Variants in TLK1 observed in about 807,000 individuals in gnomAD.
TLK1 encodes tousled like kinase 1.
TLK1 carries 24 observed loss-of-function variants against 105.3 expected under a neutral mutation model. The ratio of observed to expected loss-of-function variants is 0.23; its 90% CI spans 0.17 to 0.32. The LOEUF (loss-of-function observed/expected upper bound fraction) is 0.32. Ranked by LOEUF, TLK1 falls within the 10% of genes least tolerant of loss-of-function variation. The pLI, the probability that TLK1 is intolerant of heterozygous loss-of-function variation, is 1.00. For missense variants in TLK1, 558 were observed against 910.5 expected, an observed-to-expected ratio of 0.61 and a Z score of 4.98; for synonymous variants, 321 against 310.4, an observed-to-expected ratio of 1.03 and a Z score of -0.36.
chr2:171,067,075 C>A (rs1385944587), intron 3 of TLK1: 3 of 1,196,266 alleles, frequency 2.5e-6, no homozygotes, highest in Non-Finnish European at 3.4e-6. Context: ...TTCCTTTGAA[C>A]ACGAATCCCT....
intron 12 of TLK1, among the ~76,000 whole-genome samples, chr2:171,023,990 C>T (rs1431574615): frequency 6.6e-6 from 1 of 152,166 alleles, no homozygotes; most frequent in African/African-American, 2.4e-5. Context: ...ACCCACGATT[C>T]CACATGGGCA....
At chr2:171,133,756 T>C (rs1691197154) in intron 1 of TLK1, among the ~76,000 whole-genome samples, 1 of 144,972 alleles carries the variant, frequency 6.9e-6, no homozygotes, top group Non-Finnish European at 1.6e-5. Flanking sequence ...TTCAGACTTC[T>C]GATTTTTTTT....
intron 4 of TLK1, 109 bp from the exon 5 acceptor site, chr2:171,058,306 G>C: frequency 9.7e-7 from 1 of 1,034,750 alleles, no homozygotes; most frequent in East Asian, 2.4e-5. Flanking sequence ...AAAATCAAAT[G>C]ACATTTCAAT....
At chr2:171,035,082 C>T (rs572425034) in intron 11 of TLK1, among the ~76,000 whole-genome samples, 6 of 152,044 alleles carry the variant, frequency 3.9e-5, no homozygotes, top group African/African-American at 1.4e-4. Context: ...GGCTCATGCC[C>T]GTAATCCCAG....
At chr2:171,224,735 A>T (rs952008794) in intron 1 of TLK1, among the ~76,000 whole-genome samples, 2 of 152,190 alleles carry the variant, frequency 1.3e-5, no homozygotes, top group African/African-American at 4.8e-5. Flanking sequence ...AATGCAAGAG[A>T]CCCAGAAGAG....
At chr2:171,050,906 A>T (rs1163770413) in intron 8 of TLK1, among the ~76,000 whole-genome samples, 1 of 152,204 alleles carries the variant, frequency 6.6e-6, no homozygotes, top group African/African-American at 2.4e-5. Context: ...GTTTCTAATA[A>T]GTTCTCCAGT....
rs569597055 is a variant in TLK1 at position 171,138,119 on chromosome 2, G to C, written c.140-20262C>G. ...ATCACTTTCTTAAAAGCAAGCTCAA[G>C]GGGGTAGAGATAGGGGTTGTAATTT... is the stretch of plus-strand genomic sequence containing the variant. On this transcript the variant is annotated intron_variant, in intron 1 of 20. Coordinates refer to ENST00000431350, the MANE Select transcript of TLK1 (RefSeq NM_012290.5). Among the ~76,000 whole-genome samples the C allele has an allele frequency of 2.0e-5, 3 of 152,216 alleles. No individual in the cohort carries two copies. The South Asian group carries it at 6.2e-4, about 32-fold the overall frequency.
intron 1 of TLK1, among the ~76,000 whole-genome samples, chr2:171,224,278 A>T (rs111704648): frequency 6.6e-6 from 1 of 152,012 alleles, no homozygotes; most frequent in African/African-American, 2.4e-5. Context: ...CTTATTTCTG[A>T]GTTATCTATT....
intron 13 of TLK1, among the ~76,000 whole-genome samples, chr2:171,012,299 C>A (rs2105369722): frequency 6.6e-6 from 1 of 152,040 alleles, no homozygotes; most frequent in East Asian, 1.9e-4. Flanking sequence ...TTCAACCCAC[C>A]CTATCAGGTA....
intron 18 of TLK1, among the ~76,000 whole-genome samples, chr2:171,002,403 C>A (rs1684422949): frequency 6.6e-6 from 1 of 151,896 alleles, no homozygotes; most frequent in African/African-American, 2.4e-5. Context: ...GGACTACGAG[C>A]AGCTGGGACT....
In TLK1 at chr2:171,025,496, C is replaced by A. The variant is rs538288549; in HGVS notation, c.1236+2843G>T. Among the ~76,000 whole-genome samples, 3 of 152,232 alleles carry A rather than the reference C, an allele frequency of 2.0e-5. No individual in the cohort carries two copies. The South Asian group carries it at 6.2e-4, about 32-fold the overall frequency. On this transcript the variant is annotated intron_variant, in intron 12 of 20. Transcript: ENST00000431350. ...TCACCCATGCTAATGCAAGAGTATG[C>A]CAGGCTCCAAATCTAAACCGTAAAC...
chr2:171,098,269 AACT>A (rs1395389043), intron 2 of TLK1, among the ~76,000 whole-genome samples: 1 of 152,202 alleles, frequency 6.6e-6, no homozygotes, highest in Non-Finnish European at 1.5e-5. Flanking sequence ...GCACAAAAAA[AACT>A]ACATGAGGTG....
intron 1 of TLK1, among the ~76,000 whole-genome samples, chr2:171,159,331 A>C (rs574230534): frequency 6.6e-6 from 1 of 152,202 alleles, no homozygotes; most frequent in South Asian, 2.1e-4. Context: ...ACATTTATTC[A>C]TTCCCCATAA....
Position 171,058,036 on chromosome 2 carries a change from C to T in TLK1, c.453+115G>A, listed in dbSNP as rs527585360. On this transcript the variant is annotated intron_variant, in intron 5 of 20. Coordinates refer to ENST00000431350, the MANE Select transcript of TLK1 (RefSeq NM_012290.5). The stretch of plus-strand genomic sequence containing the variant: ...AAAGATATCACATAGTAATAAAGCT[C>T]TGCTCTAATCAAGTAAGTAATCAAA... The T allele has an allele frequency of 2.1e-5, 21 of 989,744 alleles. No individual in the cohort carries two copies. In the East Asian group the frequency reaches 5.1e-4, roughly 24 times the overall value. The allele number at this position is 989,744 out of a possible 1,614,324, so 61.3% of individuals were successfully genotyped here.
At chr2:171,019,656 T>C (rs747222963) in intron 12 of TLK1, among the ~76,000 whole-genome samples, 11 of 152,204 alleles carry the variant, frequency 7.2e-5, no homozygotes, top group Non-Finnish European at 1.2e-4. Flanking sequence ...TTTTGATGTA[T>C]TATTCTCAGC....
intron 2 of TLK1, among the ~76,000 whole-genome samples, chr2:171,111,154 G>A (rs1031504717): frequency 6.6e-6 from 1 of 152,074 alleles, no homozygotes; most frequent in Non-Finnish European, 1.5e-5. Flanking sequence ...AACAGAAAAG[G>A]AGAATATGAA....
At chr2:171,078,532 G>A (rs376625870) in intron 3 of TLK1, among the ~76,000 whole-genome samples, 33 of 151,400 alleles carry the variant, frequency 2.2e-4, no homozygotes, top group African/African-American at 6.3e-4. Flanking sequence ...GCGAGACTCC[G>A]TCTCAAAAAG....
At chr2:171,215,521 A>T (rs565044408) in intron 1 of TLK1, among the ~76,000 whole-genome samples, 1 of 152,332 alleles carries the variant, frequency 6.6e-6, no homozygotes, top group South Asian at 2.1e-4. Context: ...AGGCACGGTG[A>T]TGTATTGCTC....
At chr2:171,038,707 TAC>T (rs1686498216) in intron 11 of TLK1, among the ~76,000 whole-genome samples, 2 of 152,190 alleles carry the variant, frequency 1.3e-5, no homozygotes, top group Non-Finnish European at 2.9e-5. Flanking sequence ...ATACCACTCT[TAC>T]ATAAACTTTC....
Sources: allele counts gnomAD v4.1 joint callset (sites outside exome capture counted in the v4.1 genomes callset), GRCh38; gene constraint gnomAD v4.1.1; transcripts MANE v1.5; gene names NCBI Gene and HGNC (gene_info 2026-07-23, HGNC 2026-07-21).